The following PLEKHM1 variants were observed in gnomAD, a reference collection of about 807,000 sequenced individuals.
PLEKHM1 encodes pleckstrin homology domain-containing family M member 1.
A neutral mutation model predicts 94.3 loss-of-function variants in PLEKHM1; 28 were observed. The ratio of observed to expected loss-of-function variants is 0.30; its 90% CI spans 0.22 to 0.41. The LOEUF (loss-of-function observed/expected upper bound fraction) is 0.41, where lower values mean the gene tolerates loss of function less well. PLEKHM1 is among the 10% of genes least tolerant of loss of function. PLEKHM1 has a pLI of 1.00. For synonymous variants in PLEKHM1, 424 were observed against 581.2 expected, an observed-to-expected ratio of 0.73 and a Z score of 3.89; for missense variants, 907 against 1,358.6, an observed-to-expected ratio of 0.67 and a Z score of 5.22.
chr17:45,488,363 G>A (rs1281643967), intron 1 of PLEKHM1, among the ~76,000 whole-genome samples: 3 of 152,042 alleles, frequency 2.0e-5, no homozygotes, highest in African/African-American at 7.3e-5. Flanking sequence ...GTCACACACT[G>A]GTGCTCAAAA....
chr17:45,471,743 G>A (rs960992283), intron 4 of PLEKHM1, among the ~76,000 whole-genome samples: 24 of 152,156 alleles, frequency 1.6e-4, no homozygotes, highest in Non-Finnish European at 2.1e-4. Flanking sequence ...GGGACAGAGC[G>A]AGACTCCGTT....
At chr17:45,485,566 T>C (rs2052084133) in intron 1 of PLEKHM1, among the ~76,000 whole-genome samples, 5 of 152,112 alleles carry the variant, frequency 3.3e-5, no homozygotes, top group Admixed American at 3.3e-4. Flanking sequence ...AGCAGGCCAT[T>C]GGTAAGTGAG....
intron 6 of PLEKHM1, among the ~76,000 whole-genome samples, chr17:45,457,824 T>C (rs1277348553): frequency 6.6e-6 from 1 of 152,172 alleles, no homozygotes; most frequent in African/African-American, 2.4e-5. Context: ...GGAAGGACCA[T>C]TTAAAACACC....
chr17:45,437,979 G>C lies in PLEKHM1; in HGVS notation c.3060-10C>G, dbSNP rs371993509. ...CTTGCACTCGGCACACCTGGGGAGA[G>C]AGCAGTAGGCCTGCTGGTGCCGGCT... On this transcript the variant is annotated splice_polypyrimidine_tract_variant and intron_variant, in intron 11 of 11. Transcript: ENST00000430334. This position sits in a 1 kb window ranked among gnomAD's most constrained non-coding sequence, Gnocchi z 4.0. 31 of 1,607,712 alleles carry C rather than the reference G, an allele frequency of 1.9e-5. No homozygotes were observed. The highest frequency in any genetic ancestry group is 8.0e-5 in the African/African-American group (6 of 74,844).
At chr17:45,478,418 TG>T (rs758912591) in intron 2 of PLEKHM1, among the ~76,000 whole-genome samples, 11 of 152,238 alleles carry the variant, frequency 7.2e-5, no homozygotes, top group Non-Finnish European at 1.6e-4. Flanking sequence ...AGATACTTTT[TG>T]TTTTTTAGAC....
chr17:45,458,504 T>C lies in PLEKHM1; in HGVS notation c.1309-65A>G, dbSNP rs554787480. 5.3e-5 allele frequency: 79 copies of C among 1,481,582 alleles called. 1 individual carries two copies. In the East Asian group the frequency reaches 7.0e-4, roughly 13 times the overall value. 91.8% of individuals were successfully genotyped at this position (1,481,582 alleles called of 1,614,324 possible). A position where few individuals can be genotyped will look rare whatever the true frequency, so the allele number is the denominator to read the frequency against. On this transcript the variant is annotated intron_variant, in intron 5 of 11. Coordinates refer to ENST00000430334, the MANE Select transcript of PLEKHM1 (RefSeq NM_014798.3). ...TTTTTGTTTTGAGACGGAGTCTCGC[T>C]CTGTTGCCCAGGCTGGAGTGCAATC...
intron 4 of PLEKHM1, among the ~76,000 whole-genome samples, chr17:45,470,727 C>T (rs1478492846): frequency 6.0e-5 from 9 of 150,988 alleles, no homozygotes; most frequent in East Asian, 2.0e-4. Context: ...GGCGCCATCT[C>T]GGCTCACTGC....
chr17:45,476,814 G>A (rs1484895725), intron 3 of PLEKHM1, among the ~76,000 whole-genome samples: 1 of 152,142 alleles, frequency 6.6e-6, no homozygotes. Flanking sequence ...AGTCCCTAGC[G>A]CAGGTTTATC....
intron 5 of PLEKHM1, among the ~76,000 whole-genome samples, chr17:45,463,139 C>T (rs1302350821): frequency 6.6e-6 from 1 of 151,886 alleles, no homozygotes; most frequent in Admixed American, 6.6e-5. Context: ...CTTCTCTCTC[C>T]TTTGAGGAAA....
downstream of PLEKHM1, among the ~76,000 whole-genome samples, chr17:45,434,783 T>C (rs2050220415): frequency 6.6e-6 from 1 of 151,706 alleles, no homozygotes; most frequent in Non-Finnish European, 1.5e-5. Context: ...TATGATAAGC[T>C]CTTGGGGGTT....
rs376788505 is a variant in PLEKHM1 at position 45,475,211 on chromosome 17, C to T, written c.812G>A (p.Cys271Tyr). ...CTTGGAGCCATTCTCTTGGAGTAAG[C>T]AGCTATCAGAGTTTAGGCTGCAGGA... ...QLSCSLNSDS[C>Y]LLQENGSKSP... Residue 271 changes from cysteine to tyrosine, a missense_variant, in exon 4 of 12, where the codon TGC (cysteine) becomes TAC (tyrosine). Transcript: ENST00000430334. 5 of 1,613,840 alleles carry T rather than the reference C, an allele frequency of 3.1e-6. No individual in the cohort carries two copies. The highest frequency in any genetic ancestry group is 1.6e-4 in the Middle Eastern group (1 of 6,078).
rs139082657 is a variant in PLEKHM1 at position 45,482,720 on chromosome 17, C to G, written c.-41-195G>C. On this transcript the variant is annotated intron_variant, in intron 1 of 11. Coordinates refer to ENST00000430334, the MANE Select transcript of PLEKHM1 (RefSeq NM_014798.3). The stretch of plus-strand genomic sequence containing the variant: ...GGAAGGAAAGCCCAGGGGGCTTAGT[C>G]GTTGGGAGGCAAGGAGTCCTGGGTG... 3.0e-3 allele frequency among the ~76,000 whole-genome samples: 463 copies of G among 152,290 alleles called. 2 individuals carry two copies. The highest frequency in any genetic ancestry group is 0.01 in the African/African-American group (434 of 41,566).
chr17:45,469,399 C>T (rs1320166575), intron 4 of PLEKHM1, among the ~76,000 whole-genome samples: 2 of 152,164 alleles, frequency 1.3e-5, no homozygotes, highest in East Asian at 3.9e-4. Context: ...ATGCCCTGGG[C>T]CCTCTGGAAT....
intron 8 of PLEKHM1, chr17:45,446,267 T>C (rs1360707759): frequency 6.4e-6 from 1 of 155,222 alleles, no homozygotes; most frequent in African/African-American, 2.4e-5. Flanking sequence ...CTAATACCAA[T>C]GCCAATAATC....
chr17:45,437,496 G>T lies in PLEKHM1; in HGVS notation c.*362C>A, dbSNP rs888034431. ...TTAAAAAACTAGACCTTTTAATCAG[G>T]AATGTGGAATTGAAAATGCTCCCCA... On this transcript the variant is annotated 3_prime_UTR_variant, in exon 12 of 12. Transcript: ENST00000430334. The surrounding 1 kb of genome is among the most constrained non-coding windows in gnomAD (Gnocchi z 4.0). 1.3e-5 allele frequency: 7 copies of T among 524,636 alleles called. No individual in the cohort carries two copies. Among genetic ancestry groups the T allele is most frequent in the African/African-American group, 3.8e-5 (2 of 52,688 alleles). 32.5% of individuals were successfully genotyped at this position (524,636 alleles called of 1,614,324 possible).
chr17:45,488,573 T>C (rs948714435), intron 1 of PLEKHM1, among the ~76,000 whole-genome samples: 3 of 152,016 alleles, frequency 2.0e-5, no homozygotes, highest in African/African-American at 4.8e-5. Flanking sequence ...ACATTGAAGG[T>C]AAACAGCATT....
chr17:45,478,739 G>A (rs1214619939), intron 2 of PLEKHM1, among the ~76,000 whole-genome samples: 1 of 151,916 alleles, frequency 6.6e-6, no homozygotes, highest in Non-Finnish European at 1.5e-5. Flanking sequence ...TCAGAGGCAG[G>A]AGGACTGCTT....
intron 1 of PLEKHM1, among the ~76,000 whole-genome samples, chr17:45,488,982 A>G (rs903760887): frequency 6.6e-6 from 1 of 152,148 alleles, no homozygotes; most frequent in African/African-American, 2.4e-5. Flanking sequence ...CAAATGGCCC[A>G]CCCATCTGAT....
rs376308721 is a variant in PLEKHM1, at chr17:45,485,194, G to GAAAAGGGGGTTGT, written c.-41-2682_-41-2670dup. On this transcript the variant is annotated intron_variant, in intron 1 of 11. Coordinates refer to ENST00000430334, the MANE Select transcript of PLEKHM1 (RefSeq NM_014798.3). Reference sequence around the variant, plus strand: ...CCACATTCTGGCCACGGGGTGACAGGAAAAGGGGGTTGTATGCTGCAGTGA... The same window carrying GAAAAGGGGGTTGT: ...CCACATTCTGGCCACGGGGTGACAGGAAAAGGGGGTTGTAAAAGGGGGTTGTATGCTGCAGTGA... Among the ~76,000 whole-genome samples the GAAAAGGGGGTTGT allele has an allele frequency of 4.1e-3, 629 of 152,308 alleles. 1 individual carries two copies. Among genetic ancestry groups the GAAAAGGGGGTTGT allele is most frequent in the African/African-American group, 0.014 (591 of 41,556 alleles).
Sources: gnomAD v4.1 joint callset for allele counts (sites outside exome capture counted in the v4.1 genomes callset) on GRCh38, gnomAD v4.1.1 for gene constraint, Gnocchi (gnomAD v3.1) non-coding constraint, MANE v1.5 for transcripts, NCBI Gene and HGNC (gene_info 2026-07-23, HGNC 2026-07-21) for gene names.